The following NT5C3A variants were observed in gnomAD, a reference collection of about 807,000 sequenced individuals.
NT5C3A encodes cytosolic 5'-nucleotidase 3A.
A neutral mutation model predicts 40.0 loss-of-function variants in NT5C3A; 23 were observed. The ratio of observed to expected loss-of-function variants is 0.58; its 90% CI spans 0.41 to 0.81. The LOEUF (loss-of-function observed/expected upper bound fraction) is 0.81, where lower values mean the gene tolerates loss of function less well. NT5C3A is among the 40% of genes least tolerant of loss of function. NT5C3A has a pLI of 0.00. For missense variants in NT5C3A, 328 were observed against 403.0 expected (o/e 0.81, Z 1.59); for synonymous variants, 130 against 141.4 (o/e 0.92, Z 0.57).
At chr7:33,025,424 G>A (rs962326068) in intron 2 of NT5C3A, among the ~76,000 whole-genome samples, 1 of 151,924 alleles carries the variant, frequency 6.6e-6, no homozygotes, top group Non-Finnish European at 1.5e-5. Context: ...AGGAGACTGG[G>A]TTAAATATTA....
intron 1 of NT5C3A, among the ~76,000 whole-genome samples, chr7:33,042,448 A>C (rs914071695): frequency 6.6e-6 from 1 of 152,254 alleles, no homozygotes. Context: ...AATAAAATTC[A>C]TAATGAAACA....
At chr7:33,030,994 G>C (rs560776471) in intron 1 of NT5C3A, among the ~76,000 whole-genome samples, 2 of 151,780 alleles carry the variant, frequency 1.3e-5, no homozygotes, top group Admixed American at 1.3e-4. Context: ...AGCTACTCTG[G>C]AGGCTGAGGC....
Position 33,053,647 on chromosome 7 carries a change from T to C in NT5C3A, c.138+8921A>G, listed in dbSNP as rs534827464. Among the ~76,000 whole-genome samples the C allele has an allele frequency of 9.9e-5, 15 of 152,088 alleles. No homozygotes were observed. In the East Asian group the frequency reaches 2.9e-3, roughly 30 times the overall value. ...CTGCACTCCAGCCTGGCTCACAGAC[T>C]GTGATCCCATTTCTTAAAATAAATA... On this transcript the variant is annotated intron_variant, in intron 1 of 8. Coordinates refer to ENST00000610140, the MANE Select transcript of NT5C3A (RefSeq NM_001002010.5).
chr7:33,050,609 A>C (rs1787326743), intron 1 of NT5C3A, among the ~76,000 whole-genome samples: 1 of 152,244 alleles, frequency 6.6e-6, no homozygotes, highest in South Asian at 2.1e-4. Context: ...AGGATCTTGC[A>C]AGCACTGGCT....
At chr7:33,059,847 AATC>A (rs757636187) in intron 1 of NT5C3A, among the ~76,000 whole-genome samples, 2 of 152,204 alleles carry the variant, frequency 1.3e-5, no homozygotes, top group Non-Finnish European at 2.9e-5. Flanking sequence ...TAAGATCTCT[AATC>A]ATCTTTCGCA....
intron 1 of NT5C3A, among the ~76,000 whole-genome samples, chr7:33,055,909 G>A (rs557507465): frequency 6.6e-6 from 1 of 151,932 alleles, no homozygotes; most frequent in Admixed American, 6.5e-5. Context: ...CCAGGATTTT[G>A]AGACCAGCCT....
At chr7:33,038,999 C>T (rs1786761098) in intron 1 of NT5C3A, 3 of 426,486 alleles carry the variant, frequency 7.0e-6, no homozygotes, top group Non-Finnish European at 1.4e-5. Flanking sequence ...AATGTGGAAA[C>T]TGGAAAATAA....
At chr7:33,026,235 C>T (rs1242842082) in intron 2 of NT5C3A, among the ~76,000 whole-genome samples, 2 of 150,268 alleles carry the variant, frequency 1.3e-5, no homozygotes, top group African/African-American at 4.9e-5. Flanking sequence ...GTAATCCCAG[C>T]TGCTCGGGGA....
chr7:33,033,066 A>G (rs1225643817), intron 1 of NT5C3A, among the ~76,000 whole-genome samples: 1 of 152,216 alleles, frequency 6.6e-6, no homozygotes, highest in Admixed American at 6.5e-5. Context: ...TGAATTTTAA[A>G]TCACCTTAGT....
Position 33,036,458 on chromosome 7 carries a change from C to G in NT5C3A, c.139-9543G>C, listed in dbSNP as rs74911297. The stretch of plus-strand genomic sequence containing the variant: ...AGCCTATATTTGACACATAAAGCAT[C>G]TTTTTTTTTTTTCTAAGAAGCTCAG... On this transcript the variant is annotated intron_variant, in intron 1 of 8. Transcript: ENST00000610140. 2.6e-3 allele frequency: 421 copies of G among 159,722 alleles called. 2 individuals are homozygous for G. The highest frequency in any genetic ancestry group is 0.01 in the African/African-American group (411 of 40,384). 9.9% of individuals were successfully genotyped at this position (159,722 alleles called of 1,614,324 possible). A position where few individuals can be genotyped will look rare whatever the true frequency, so the allele number is the denominator to read the frequency against.
At chr7:33,015,606 C>T in intron 8 of NT5C3A, 64 bp downstream of exon 8, 1 of 1,059,938 alleles carries the variant, frequency 9.4e-7, no homozygotes, top group Non-Finnish European at 1.4e-6. Flanking sequence ...ACTATGGCAA[C>T]AATTGCCTAT....
intron 7 of NT5C3A, among the ~76,000 whole-genome samples, chr7:33,016,171 T>C (rs1359988429): frequency 1.4e-5 from 2 of 145,834 alleles, no homozygotes; most frequent in Non-Finnish European, 3.0e-5. Flanking sequence ...AGGTCAGGAG[T>C]TCGAGACCAG....
intron 5 of NT5C3A, among the ~76,000 whole-genome samples, chr7:33,021,017 TTTTAA>T (rs749085148): frequency 6.6e-6 from 1 of 152,196 alleles, no homozygotes; most frequent in Non-Finnish European, 1.5e-5. Flanking sequence ...AAATTCTTGT[TTTTAA>T]TTTGAGACTT....
At chr7:33,041,478 A>G (rs1786909037) in intron 1 of NT5C3A, among the ~76,000 whole-genome samples, 1 of 152,168 alleles carries the variant, frequency 6.6e-6, no homozygotes. Flanking sequence ...TATATTATGT[A>G]TATTTTACCA....
intron 1 of NT5C3A, among the ~76,000 whole-genome samples, chr7:33,062,136 C>T (rs1009010132): frequency 3.3e-5 from 5 of 152,120 alleles, no homozygotes; most frequent in Non-Finnish European, 5.9e-5. Context: ...GCGGGAATTG[C>T]AACTAGATTA....
At chr7:33,031,403 C>T (rs1170024208) in intron 1 of NT5C3A, among the ~76,000 whole-genome samples, 1 of 151,576 alleles carries the variant, frequency 6.6e-6, no homozygotes, top group Non-Finnish European at 1.5e-5. Flanking sequence ...GGCTGGGCAA[C>T]GTGGCAAAAC....
intron 1 of NT5C3A, among the ~76,000 whole-genome samples, chr7:33,032,109 A>C (rs1009025133): frequency 6.7e-6 from 1 of 150,240 alleles, no homozygotes; most frequent in African/African-American, 2.5e-5. Flanking sequence ...CAAGTGACAG[A>C]GCGAGACTCT....
intron 1 of NT5C3A, among the ~76,000 whole-genome samples, chr7:33,058,076 G>A (rs1222555152): frequency 6.6e-6 from 1 of 151,442 alleles, no homozygotes; most frequent in Non-Finnish European, 1.5e-5. Context: ...TCCTCTTTTT[G>A]GTAGCTTTAT....
At chr7:33,062,446 G>T in intron 1 of NT5C3A, 122 bp downstream of exon 1, 1 of 885,994 alleles carries the variant, frequency 1.1e-6, no homozygotes, top group Non-Finnish European at 1.8e-6. Context: ...ATCCCAGCCT[G>T]ACAGGCGACG....
Sources: allele counts gnomAD v4.1 joint callset (sites outside exome capture counted in the v4.1 genomes callset), GRCh38; gene constraint gnomAD v4.1.1; transcripts MANE v1.5; gene names NCBI Gene and HGNC (gene_info 2026-07-23, HGNC 2026-07-21).